PTPRN2: variants seen among roughly 807,000 people sequenced by gnomAD.
The protein encoded by PTPRN2 is protein tyrosine phosphatase receptor type N2.
A neutral mutation model predicts 118.8 loss-of-function variants in PTPRN2; 74 were observed. The observed-to-expected ratio is 0.62, with a 90% CI of 0.52 to 0.76. The LOEUF is 0.76. Among genes scored for constraint, PTPRN2 ranks in the 30% least tolerant of loss-of-function variants. The pLI is 0.00. For missense variants in PTPRN2, 1,481 were observed against 1,394.4 expected, an observed-to-expected ratio of 1.06 and a Z score of -0.99; for synonymous variants, 641 against 608.0, an observed-to-expected ratio of 1.05 and a Z score of -0.80.
At position 158,361,040 on chromosome 7, in the gene PTPRN2, GACGCACAGACCCCAC is replaced by G. The variant is rs1254176188; in HGVS notation, c.164-44123_164-44109del. Among the ~76,000 whole-genome samples the G allele has an allele frequency of 2.7e-4, 13 of 48,156 alleles. 1 individual carries two copies. The East Asian group carries it at 5.5e-3, about 21-fold the overall frequency. 31.6% of individuals were successfully genotyped at this position (48,156 alleles called of 152,430 possible). A position where few individuals can be genotyped will look rare whatever the true frequency, so the allele number is the denominator to read the frequency against. ...CCCCACATCCACCCTCACCCAGGACGACGCACAGACCCCACATCCACCCACACCCAGGACGACGCA... is the reference window on the plus strand; with the variant it reads ...CCCCACATCCACCCTCACCCAGGACGATCCACCCACACCCAGGACGACGCA... On this transcript the variant is annotated intron_variant, in intron 2 of 22. Coordinates refer to ENST00000389418, the MANE Select transcript of PTPRN2 (RefSeq NM_002847.5).
rs1444707824 is a variant in PTPRN2, at chr7:157,779,956, C to CG, written c.1789-97020dup. ...AAACTCTCAGACTGCTGTGTCCACA[C>CG]GGGTTAATAAAAATGCTGACCCCAG... On this transcript the variant is annotated intron_variant, in intron 12 of 22. Coordinates refer to ENST00000389418, the MANE Select transcript of PTPRN2 (RefSeq NM_002847.5). This position sits in a 1 kb window ranked among gnomAD's most constrained non-coding sequence, Gnocchi z 4.7. Among the ~76,000 whole-genome samples the CG allele has an allele frequency of 3.3e-5, 5 of 152,166 alleles. No individual in the cohort carries two copies. The highest frequency in any genetic ancestry group is 7.3e-5 in the Non-Finnish European group (5 of 68,042).
At chr7:158,316,250 C>T (rs1247844211) in intron 3 of PTPRN2, among the ~76,000 whole-genome samples, 1 of 152,190 alleles carries the variant, frequency 6.6e-6, no homozygotes, top group African/African-American at 2.4e-5. Flanking sequence ...GGAGTCAGAA[C>T]GCCTTATCCA....
chr7:157,999,188 T>C (rs542054173), intron 11 of PTPRN2, among the ~76,000 whole-genome samples: 2 of 152,220 alleles, frequency 1.3e-5, no homozygotes, highest in East Asian at 3.9e-4. Context: ...ATTTCCAGCC[T>C]AAAAGAAGAG....
chr7:158,055,597 G>A (rs1809724368), intron 11 of PTPRN2, among the ~76,000 whole-genome samples: 1 of 152,212 alleles, frequency 6.6e-6, no homozygotes, highest in Non-Finnish European at 1.5e-5. Flanking sequence ...GTTTTAGATA[G>A]CAGTAGCAAA....
intron 1 of PTPRN2, among the ~76,000 whole-genome samples, chr7:158,562,634 T>C (rs1050124650): frequency 6.6e-6 from 1 of 152,190 alleles, no homozygotes; most frequent in African/African-American, 2.4e-5. Context: ...TTATTAATAG[T>C]CCATTTAGCA....
At chr7:158,061,817 G>A (rs575192502) in intron 11 of PTPRN2, among the ~76,000 whole-genome samples, 9 of 152,370 alleles carry the variant, frequency 5.9e-5, no homozygotes, top group African/African-American at 2.2e-4. Flanking sequence ...CTCTGAGCAG[G>A]AACCCACTAG....
intron 1 of PTPRN2, among the ~76,000 whole-genome samples, chr7:158,521,130 A>G (rs73510511): frequency 6.5e-4 from 99 of 152,348 alleles, no homozygotes; most frequent in Middle Eastern, 6.8e-3. Context: ...CTGTCTGCGT[A>G]GTCATACTAT....
chr7:157,694,237 C>T (rs1797662052), intron 12 of PTPRN2, among the ~76,000 whole-genome samples: 2 of 152,224 alleles, frequency 1.3e-5, no homozygotes, highest in Admixed American at 1.3e-4. Context: ...TGGGAGGTGG[C>T]ACCAATTCAG....
intron 12 of PTPRN2, among the ~76,000 whole-genome samples, chr7:157,775,301 G>T (rs1458809120): frequency 6.6e-6 from 1 of 152,198 alleles, no homozygotes; most frequent in African/African-American, 2.4e-5. Flanking sequence ...CAGGACCCCA[G>T]TTTCCACCCA....
chr7:158,146,066 C>G (rs1329559013), intron 6 of PTPRN2, among the ~76,000 whole-genome samples: 1 of 106,764 alleles, frequency 9.4e-6, no homozygotes, highest in Non-Finnish European at 2.2e-5. Context: ...ACTCTTTTCC[C>G]CCTTTCCCAT....
At chr7:158,412,890 A>G (rs1353518108) in intron 2 of PTPRN2, among the ~76,000 whole-genome samples, 1 of 131,826 alleles carries the variant, frequency 7.6e-6, no homozygotes, top group Admixed American at 7.8e-5. Context: ...CCTCAGCACC[A>G]GGGCCCATCC....
chr7:157,972,704 C>CAGAA (rs1802426205), intron 11 of PTPRN2, among the ~76,000 whole-genome samples: 4 of 105,142 alleles, frequency 3.8e-5, no homozygotes, highest in East Asian at 3.0e-4. Context: ...AGACCACGGG[C>CAGAA]ACTCCACACC....
At chr7:157,788,434 T>G (rs948991143) in intron 12 of PTPRN2, among the ~76,000 whole-genome samples, 1 of 151,216 alleles carries the variant, frequency 6.6e-6, no homozygotes, top group Non-Finnish European at 1.5e-5. Context: ...AAGACACTGC[T>G]GTCTGGAGAC....
At chr7:157,706,245 C>G (rs1285793109) in intron 12 of PTPRN2, among the ~76,000 whole-genome samples, 2 of 150,938 alleles carry the variant, frequency 1.3e-5, no homozygotes, top group Non-Finnish European at 2.9e-5. Flanking sequence ...TAGCGGGAAC[C>G]CCATTCCTCC....
At chr7:157,553,021 C>A (rs1798709828) in intron 21 of PTPRN2, among the ~76,000 whole-genome samples, 1 of 152,352 alleles carries the variant, frequency 6.6e-6, no homozygotes, top group South Asian at 2.1e-4. Flanking sequence ...TCTCTGAAGC[C>A]TTCCAGGCAC....
intron 2 of PTPRN2, among the ~76,000 whole-genome samples, chr7:158,386,459 C>G (rs189670107): frequency 2.6e-5 from 4 of 152,100 alleles, no homozygotes; most frequent in Non-Finnish European, 4.4e-5. Context: ...GCAGGAGCTG[C>G]CTCCGTTCAT....
rs1272836999 is a variant in PTPRN2, at chr7:158,071,436, G to A, written c.1723+9862C>T. Among the ~76,000 whole-genome samples the A allele has an allele frequency of 5.3e-4, 19 of 36,186 alleles. 1 individual carries two copies. Among genetic ancestry groups the A allele is most frequent in the African/African-American group, 1.5e-3 (12 of 8,062 alleles). The allele number at this position is 36,186 out of a possible 152,430, so 23.7% of individuals were successfully genotyped here. A position where few individuals can be genotyped will look rare whatever the true frequency, so the allele number is the denominator to read the frequency against. On this transcript the variant is annotated intron_variant, in intron 11 of 22. Transcript: ENST00000389418. Reference sequence around the variant, plus strand: ...GCTCCTGGTGGTGGAGGTGCTCGTGGTGGTGGAGGTGCTCGTGGTTGAGGT... The same window carrying A: ...GCTCCTGGTGGTGGAGGTGCTCGTGATGGTGGAGGTGCTCGTGGTTGAGGT...
At chr7:158,063,613 G>C (rs535855608) in intron 11 of PTPRN2, among the ~76,000 whole-genome samples, 1 of 152,212 alleles carries the variant, frequency 6.6e-6, no homozygotes, top group East Asian at 1.9e-4. Context: ...CTGCCTTTAT[G>C]AGCTGTAACA....
intron 6 of PTPRN2, among the ~76,000 whole-genome samples, chr7:158,150,206 C>A (rs1243802564): frequency 6.6e-6 from 1 of 152,240 alleles, no homozygotes; most frequent in Non-Finnish European, 1.5e-5. Context: ...CACCTTCATG[C>A]TTCAGGAACA....
Sources: allele counts gnomAD v4.1 joint callset (sites outside exome capture counted in the v4.1 genomes callset), GRCh38; gene constraint gnomAD v4.1.1; non-coding constraint Gnocchi (gnomAD v3.1); transcripts MANE v1.5; gene names NCBI Gene and HGNC (gene_info 2026-07-23, HGNC 2026-07-21).